KIAA1549L: variants seen among roughly 807,000 people sequenced by gnomAD.
The protein encoded by KIAA1549L is KIAA1549 like, also known as UPF0606 protein KIAA1549L.
KIAA1549L carries 88 observed loss-of-function variants against 160.7 expected under a neutral mutation model. The observed-to-expected ratio is 0.55, with a 90% CI of 0.46 to 0.65. The LOEUF is 0.65. KIAA1549L is among the 30% of genes least tolerant of loss of function. KIAA1549L has a pLI of 0.00. For synonymous variants in KIAA1549L, 950 were observed against 976.7 expected, an observed-to-expected ratio of 0.97 and a Z score of 0.51; for missense variants, 2,258 against 2,437.5, an observed-to-expected ratio of 0.93 and a Z score of 1.55.
At chr11:33,645,060 C>T (rs7949605) in intron 16 of KIAA1549L, among the ~76,000 whole-genome samples, 8 of 152,204 alleles carry the variant, frequency 5.3e-5, no homozygotes, top group Admixed American at 2.0e-4. Context: ...GGCAGGAGAA[C>T]GTTCTAGATC....
At chr11:33,462,239 A>T (rs942690535) in intron 1 of KIAA1549L, among the ~76,000 whole-genome samples, 1 of 152,182 alleles carries the variant, frequency 6.6e-6, no homozygotes, top group Non-Finnish European at 1.5e-5. Flanking sequence ...ACTTCTCTGG[A>T]TATGTTTACT....
At chr11:33,411,357 G>A (rs1850781149) in intron 1 of KIAA1549L, among the ~76,000 whole-genome samples, 1 of 152,152 alleles carries the variant, frequency 6.6e-6, no homozygotes, top group Non-Finnish European at 1.5e-5. Context: ...ATGGCATCCT[G>A]ACTCCACCTG....
intron 19 of KIAA1549L, among the ~76,000 whole-genome samples, chr11:33,659,917 C>A (rs1342225576): frequency 6.6e-6 from 1 of 152,194 alleles, no homozygotes; most frequent in Admixed American, 6.5e-5. Flanking sequence ...AGGTCTGCTG[C>A]TCCCCCAACC....
intron 1 of KIAA1549L, among the ~76,000 whole-genome samples, chr11:33,504,478 C>CT (rs373556476): frequency 1.3e-5 from 2 of 151,252 alleles, no homozygotes; most frequent in Non-Finnish European, 2.9e-5. Flanking sequence ...TTTCTCTTTC[C>CT]TTTTTTTGAG....
intron 16 of KIAA1549L, 72 bp downstream of exon 16, chr11:33,618,734 C>T (rs2133350617): frequency 7.6e-7 from 1 of 1,322,580 alleles, no homozygotes; most frequent in Non-Finnish European, 1.0e-6. Flanking sequence ...GGGCATCCCA[C>T]TGTGTTTTGG....
At chr11:33,415,743 C>T (rs537637067) in intron 1 of KIAA1549L, among the ~76,000 whole-genome samples, 1 of 152,204 alleles carries the variant, frequency 6.6e-6, no homozygotes, top group African/African-American at 2.4e-5. Flanking sequence ...TATATTGTTG[C>T]CATGAGAGAG....
intron 1 of KIAA1549L, among the ~76,000 whole-genome samples, chr11:33,511,883 G>C (rs1398348966): frequency 6.6e-6 from 1 of 152,204 alleles, no homozygotes; most frequent in Middle Eastern, 3.2e-3. Flanking sequence ...TGTAAGGACT[G>C]GACCAGGTGA....
At chr11:33,386,482 A>G (rs992274036) in intron 1 of KIAA1549L, among the ~76,000 whole-genome samples, 1 of 151,960 alleles carries the variant, frequency 6.6e-6, no homozygotes, top group African/African-American at 2.4e-5. Flanking sequence ...GAAGTTCGAA[A>G]CCAGCCTGGC....
chr11:33,435,814 G>GTATATATA (rs751404275), intron 1 of KIAA1549L, among the ~76,000 whole-genome samples: 845 of 32,750 alleles, frequency 0.026, 211 homozygotes, highest in African/African-American at 0.13. Flanking sequence ...ATATATATGT[G>GTATATATA]TGTGTATATA....
chr11:33,438,673 C>T (rs1487637951), intron 1 of KIAA1549L, among the ~76,000 whole-genome samples: 13 of 152,316 alleles, frequency 8.5e-5, no homozygotes, highest in East Asian at 1.9e-4. Flanking sequence ...CCTTGTCACT[C>T]TTTGGAATTG....
chr11:33,547,851 C>T lies in KIAA1549L; in HGVS notation c.3473C>T (p.Ala1158Val), dbSNP rs1225260788. Residue 1158 changes from alanine to valine, a missense_variant, in exon 4 of 21, where the codon GCT becomes GTT. Around this residue, in one of 6 missense-constraint regions of KIAA1549L, gnomAD observed 1,359 missense variants for 1,546.6 expected, o/e 0.88. Transcript: ENST00000658780. Reference sequence around the variant, plus strand: ...GGGCTCACACAGGCATTGCGGAAGGCTTTCCACCAGAACGATGTCTCAGCT... The same window carrying T: ...GGGCTCACACAGGCATTGCGGAAGGTTTTCCACCAGAACGATGTCTCAGCT... ...AKGLTQALRK[A>V]FHQNDVSAHV... The T allele has an allele frequency of 3.7e-6, 6 of 1,613,080 alleles. No homozygotes were observed. Among genetic ancestry groups the T allele is most frequent in the Non-Finnish European group, 4.2e-6 (5 of 1,179,278 alleles).
chr11:33,520,113 CCCTT>C (rs2133123352), intron 1 of KIAA1549L, among the ~76,000 whole-genome samples: 1 of 152,260 alleles, frequency 6.6e-6, no homozygotes, highest in Non-Finnish European at 1.5e-5. Flanking sequence ...AGTTTCTTCT[CCCTT>C]CCTTTTTTTT....
rs997703956 is a variant in KIAA1549L, at chr11:33,417,588, C to T, written c.238+40699C>T. Among the ~76,000 whole-genome samples the T allele has an allele frequency of 1.2e-4, 19 of 152,082 alleles. 1 individual carries two copies. The highest frequency in any genetic ancestry group is 6.6e-5 in the Admixed American group (1 of 15,256). On this transcript the variant is annotated intron_variant, in intron 1 of 20. Transcript: ENST00000658780. ...TCTGGCCTCCTTGCAGGGGCTTTGC[C>T]ATTGCTGTTACCTCTGCCTGGTGAT... is the stretch of plus-strand genomic sequence containing the variant.
intron 1 of KIAA1549L, among the ~76,000 whole-genome samples, chr11:33,495,540 G>C (rs1413047169): frequency 1.3e-5 from 2 of 152,014 alleles, no homozygotes; most frequent in East Asian, 3.9e-4. Flanking sequence ...TGGACATTTG[G>C]GTTGGTTCCA....
chr11:33,578,602 T>A (rs1855534715), intron 10 of KIAA1549L, among the ~76,000 whole-genome samples: 1 of 152,234 alleles, frequency 6.6e-6, no homozygotes, highest in African/African-American at 2.4e-5. Flanking sequence ...CTGGCTCCCA[T>A]CATTCACAGA....
intron 1 of KIAA1549L, among the ~76,000 whole-genome samples, chr11:33,507,633 C>G (rs1853122618): frequency 6.6e-6 from 1 of 152,102 alleles, no homozygotes; most frequent in African/African-American, 2.4e-5. Context: ...ACTGTGTAAC[C>G]AAGTCCTTGT....
chr11:33,569,612 C>T (rs769698552), intron 9 of KIAA1549L, among the ~76,000 whole-genome samples: 1 of 152,190 alleles, frequency 6.6e-6, no homozygotes, highest in Non-Finnish European at 1.5e-5. Context: ...AACACACTTC[C>T]CCGCATGAGT....
chr11:33,412,356 A>G (rs147871916), intron 1 of KIAA1549L, among the ~76,000 whole-genome samples: 11 of 152,346 alleles, frequency 7.2e-5, no homozygotes, highest in African/African-American at 1.9e-4. Context: ...TTCAAGTTGT[A>G]AAATAATTAC....
At chr11:33,612,369 A>G (rs1240272095) in intron 15 of KIAA1549L, among the ~76,000 whole-genome samples, 1 of 152,340 alleles carries the variant, frequency 6.6e-6, no homozygotes, top group East Asian at 1.9e-4. Flanking sequence ...GGACAAGTGA[A>G]GGAATCATGC....
Sources: gnomAD v4.1 joint callset for allele counts (sites outside exome capture counted in the v4.1 genomes callset) on GRCh38, gnomAD v4.1.1 for gene constraint, gnomAD v4.1.1 regional missense constraint, MANE v1.5 for transcripts, NCBI Gene and HGNC (gene_info 2026-07-23, HGNC 2026-07-21) for gene names.